CARMIL1: variants seen among roughly 807,000 people sequenced by gnomAD.
CARMIL1 encodes the protein F-actin-uncapping protein LRRC16A.
Under a neutral mutation model 177.1 loss-of-function variants are expected in CARMIL1, and 90 were observed. That is an observed-to-expected ratio of 0.51 (90% CI 0.43 to 0.61). The LOEUF (loss-of-function observed/expected upper bound fraction) is 0.61, where lower values mean the gene tolerates loss of function less well. Ranked by LOEUF, CARMIL1 falls within the 20% of genes least tolerant of loss-of-function variation. The probability of loss-of-function intolerance (pLI) is 0.00; values close to 1 mark genes in which losing one functional copy is unlikely to be tolerated. For synonymous variants in CARMIL1, 577 were observed against 606.2 expected (o/e 0.95, Z 0.71); for missense variants, 1,380 against 1,667.0 (o/e 0.83, Z 3.00).
chr6:25,369,884 T>C (rs1790234481), intron 2 of CARMIL1: 1 of 152,178 alleles, frequency 6.6e-6, no homozygotes, highest in Admixed American at 6.5e-5. Flanking sequence ...TTATTTGAAG[T>C]GAGGAGAGAA....
At chr6:25,496,417 G>T (rs546445796) in intron 16 of CARMIL1, among the ~76,000 whole-genome samples, 12 of 146,556 alleles carry the variant, frequency 8.2e-5, no homozygotes, top group African/African-American at 2.8e-4. Flanking sequence ...GGCGGAGGTT[G>T]CAGTGAGCTG....
intron 1 of CARMIL1, among the ~76,000 whole-genome samples, chr6:25,280,341 G>C (rs376379990): frequency 8.5e-5 from 13 of 152,190 alleles, no homozygotes; most frequent in African/African-American, 2.2e-4. Context: ...CTTCTGACAC[G>C]CAGACTTGGG....
chr6:25,383,780 C>G (rs977614326), intron 2 of CARMIL1: 1 of 151,850 alleles, frequency 6.6e-6, no homozygotes, highest in African/African-American at 2.4e-5. Flanking sequence ...ATTATGGGAA[C>G]TTTTAAATAC....
In CARMIL1 at chr6:25,554,057, T is replaced by C. The variant is rs2151173500; in HGVS notation, c.2553T>C (p.Asp851=). Residue 851 remains aspartate (D), a synonymous_variant, in exon 28 of 37, where the codon GAT becomes GAC. Coordinates refer to ENST00000329474, the MANE Select transcript of CARMIL1 (RefSeq NM_017640.6). This position sits in a 1 kb window ranked among gnomAD's most constrained non-coding sequence, Gnocchi z 4.6. ...VASFLSDRIV[D]EILDALSHCH... Reference sequence around the variant, plus strand: ...CGTTCCTGTCTGATAGAATTGTGGATGAAATCCTGGATGCACTCTCACATT... The same window carrying C: ...CGTTCCTGTCTGATAGAATTGTGGACGAAATCCTGGATGCACTCTCACATT... 6.2e-7 allele frequency: 1 copy of C among 1,601,960 alleles called. No individual in the cohort carries two copies. The highest frequency in any genetic ancestry group is 8.5e-7 in the Non-Finnish European group (1 of 1,174,036).
chr6:25,479,202 A>G (rs1288102366), intron 11 of CARMIL1: 1 of 518,886 alleles, frequency 1.9e-6, no homozygotes, highest in Non-Finnish European at 3.8e-6. Context: ...GTCCTCTACC[A>G]CTTGGAAAAG....
intron 17 of CARMIL1, among the ~76,000 whole-genome samples, chr6:25,501,894 T>C (rs963653854): frequency 1.3e-5 from 2 of 151,746 alleles, no homozygotes; most frequent in Non-Finnish European, 2.9e-5. Context: ...GTAGTATTTT[T>C]CATTAGTTTC....
chr6:25,604,787 G>C lies in CARMIL1; in HGVS notation c.3553-25G>C, dbSNP rs1043827307. ...GCATTAAATAAATGTGCACTTTTTG[G>C]GGGGATGGTGCTTGAATTTTTTAGA... On this transcript the variant is annotated intron_variant, in intron 33 of 36. Transcript: ENST00000329474. 3.2e-6 allele frequency: 5 copies of C among 1,545,342 alleles called. No homozygotes were observed. In the East Asian group the frequency reaches 1.2e-4, roughly 36 times the overall value.
At chr6:25,590,453 A>T (rs1240957788) in intron 31 of CARMIL1, among the ~76,000 whole-genome samples, 1 of 152,094 alleles carries the variant, frequency 6.6e-6, no homozygotes, top group Non-Finnish European at 1.5e-5. Flanking sequence ...TCTTGTCTAA[A>T]CCATCCATCT....
At chr6:25,571,419 C>G (rs1484607505) in intron 29 of CARMIL1, among the ~76,000 whole-genome samples, 1 of 151,996 alleles carries the variant, frequency 6.6e-6, no homozygotes, top group Non-Finnish European at 1.5e-5. Context: ...AGGAATGGCA[C>G]CTAATAAATA....
chr6:25,604,788 G>T, intron 33 of CARMIL1, 24 bp from the exon 34 acceptor site: 1 of 1,549,742 alleles, frequency 6.5e-7, no homozygotes, highest in Non-Finnish European at 8.8e-7. Flanking sequence ...CACTTTTTGG[G>T]GGGATGGTGC....
At chr6:25,321,819 C>T (rs956576572) in intron 2 of CARMIL1, among the ~76,000 whole-genome samples, 13 of 151,766 alleles carry the variant, frequency 8.6e-5, no homozygotes, top group East Asian at 1.9e-4. Context: ...CCACCACGCC[C>T]GGCTAATTTT....
chr6:25,510,620 AT>A lies in CARMIL1; in HGVS notation c.1577+21del. On this transcript the variant is annotated intron_variant, in intron 19 of 36. Transcript: ENST00000329474. ...TATGAAATCCAAGTAAGAGTTTTGA[AT>A]TTTTTTATATGACAATGATGAAAAT... 5 of 1,526,904 alleles carry A rather than the reference AT, an allele frequency of 3.3e-6. No homozygotes were observed. Among genetic ancestry groups the A allele is most frequent in the South Asian group, 1.2e-5 (1 of 82,638 alleles). The allele number at this position is 1,526,904 out of a possible 1,614,324, so 94.6% of individuals were successfully genotyped here.
At position 25,551,047 on chromosome 6, in the gene CARMIL1, G is replaced by A. The variant is rs762327468; in HGVS notation, c.2466G>A (p.Leu822=). 6.2e-6 allele frequency: 10 copies of A among 1,613,466 alleles called. No homozygotes were observed. The highest frequency in any genetic ancestry group is 5.9e-6 in the Non-Finnish European group (7 of 1,179,512). The change falls in exon 27 of 37, where the codon CTG becomes CTA. Residue 822 remains leucine, a synonymous_variant. Transcript: ENST00000329474. The stretch of plus-strand genomic sequence containing the variant: ...CACGTACCTTTGTTAAAAATGTCCT[G>A]TTGGAGCAGTCTGGAATTGATATCC... The part of the protein sequence containing the change: ...SIPRTFVKNV[L]LEQSGIDILN...
intron 2 of CARMIL1, among the ~76,000 whole-genome samples, chr6:25,312,411 A>AT (rs200817704): frequency 0.078 from 11,744 of 150,550 alleles, 554 homozygotes; most frequent in African/African-American, 0.14. Context: ...TGTTCCACCA[A>AT]TTTTTTTTTT....
intron 35 of CARMIL1, among the ~76,000 whole-genome samples, chr6:25,607,277 G>A (rs970840714): frequency 6.6e-6 from 1 of 151,540 alleles, no homozygotes; most frequent in Non-Finnish European, 1.5e-5. Context: ...AAGTAGGATA[G>A]GTAATATATG....
chr6:25,589,537 G>A (rs1814102872), intron 31 of CARMIL1, among the ~76,000 whole-genome samples: 1 of 152,028 alleles, frequency 6.6e-6, no homozygotes, highest in African/African-American at 2.4e-5. Flanking sequence ...ACCCAGGCTG[G>A]AGAGCAGTGG....
intron 16 of CARMIL1, among the ~76,000 whole-genome samples, chr6:25,497,786 C>A (rs575323656): frequency 6.6e-6 from 1 of 152,222 alleles, no homozygotes; most frequent in East Asian, 1.9e-4. Context: ...CACAAGTTTC[C>A]CACTTAATTT....
intron 34 of CARMIL1, among the ~76,000 whole-genome samples, chr6:25,605,244 T>A (rs544470724): frequency 6.6e-6 from 1 of 152,352 alleles, no homozygotes; most frequent in Admixed American, 6.5e-5. Flanking sequence ...GAATAAGCCA[T>A]GCATGACATA....
At chr6:25,452,539 A>T (rs887333938) in intron 8 of CARMIL1, 5 of 214,422 alleles carry the variant, frequency 2.3e-5, no homozygotes, top group Admixed American at 1.7e-4. Context: ...TTAAAACTAA[A>T]ATTTGAAATA....
Sources: gnomAD v4.1 joint callset for allele counts (sites outside exome capture counted in the v4.1 genomes callset) on GRCh38, gnomAD v4.1.1 for gene constraint, Gnocchi (gnomAD v3.1) non-coding constraint, MANE v1.5 for transcripts, NCBI Gene and HGNC (gene_info 2026-07-23, HGNC 2026-07-21) for gene names.